Variants in SLC2A9 observed in about 807,000 individuals in gnomAD.
SLC2A9 encodes solute carrier family 2, facilitated glucose transporter member 9.
A neutral mutation model predicts 50.6 loss-of-function variants in SLC2A9; 39 were observed. That is an observed-to-expected ratio of 0.77 (90% confidence interval 0.60 to 1.01). SLC2A9 has a LOEUF of 1.01. Among genes scored for constraint, SLC2A9 ranks in the 50% least tolerant of loss-of-function variants. The pLI is 0.00. For synonymous variants in SLC2A9, 324 were observed against 276.9 expected (o/e 1.17, Z -1.69); for missense variants, 686 against 677.6 (o/e 1.01, Z -0.14).
chr4:10,002,274 T>C (rs559811053), intron 2 of SLC2A9, among the ~76,000 whole-genome samples: 1 of 152,354 alleles, frequency 6.6e-6, no homozygotes, highest in African/African-American at 2.4e-5. Flanking sequence ...TTGGCTTTAG[T>C]TGTTCCTTAC....
chr4:9,867,982 C>T (rs1294480529), intron 10 of SLC2A9, among the ~76,000 whole-genome samples: 3 of 152,170 alleles, frequency 2.0e-5, no homozygotes, highest in Non-Finnish European at 2.9e-5. Flanking sequence ...CCTCTGAGAA[C>T]GTGCCTTGCA....
intron 10 of SLC2A9, among the ~76,000 whole-genome samples, chr4:9,846,506 C>A (rs1729017890): frequency 6.6e-6 from 1 of 152,150 alleles, no homozygotes; most frequent in Non-Finnish European, 1.5e-5. Context: ...AGCCTTGACT[C>A]ACCCTGACTC....
At chr4:9,892,144 C>T (rs1017131089) in intron 8 of SLC2A9, among the ~76,000 whole-genome samples, 1 of 152,194 alleles carries the variant, frequency 6.6e-6, no homozygotes, top group African/African-American at 2.4e-5. Context: ...GGCTGTTGTT[C>T]TGCTGGGCAG....
chr4:9,961,799 T>A (rs1752314921), intron 5 of SLC2A9, among the ~76,000 whole-genome samples: 1 of 152,202 alleles, frequency 6.6e-6, no homozygotes, highest in South Asian at 2.1e-4. Flanking sequence ...AGAAAATTTT[T>A]ACAATCTATC....
At chr4:9,799,638 A>G (rs1473132568) in intron 3 of SLC2A9, among the ~76,000 whole-genome samples, 3 of 149,242 alleles carry the variant, frequency 2.0e-5, no homozygotes, top group African/African-American at 7.5e-5. Context: ...GCACACTCTC[A>G]GTCTTACGTA....
intron 4 of SLC2A9, 34 bp from the exon 5 acceptor site, chr4:9,980,771 G>T (rs1400131943): frequency 2.5e-6 from 4 of 1,614,094 alleles, no homozygotes; most frequent in Non-Finnish European, 3.4e-6. Context: ...AGTTAGAGAG[G>T]TGTCTTCCCG....
intron 2 of SLC2A9, among the ~76,000 whole-genome samples, chr4:10,008,455 T>G (rs1039123423): frequency 7.2e-5 from 11 of 152,138 alleles, no homozygotes; most frequent in African/African-American, 2.7e-4. Flanking sequence ...CAGCAGCATC[T>G]CATATTAGAG....
At chr4:9,938,883 G>A (rs933710764) in intron 6 of SLC2A9, among the ~76,000 whole-genome samples, 7 of 152,152 alleles carry the variant, frequency 4.6e-5, no homozygotes, top group Non-Finnish European at 1.0e-4. Context: ...CCAGGGCCTG[G>A]GACTCATTCC....
At chr4:9,830,132 G>A (rs577531739) in intron 11 of SLC2A9, among the ~76,000 whole-genome samples, 1 of 152,360 alleles carries the variant, frequency 6.6e-6, no homozygotes, top group Admixed American at 6.5e-5. Flanking sequence ...ATCAACGATA[G>A]ACTGGATAAA....
At chr4:9,781,960 T>A in intron 3 of SLC2A9, 2 of 1,310,344 alleles carry the variant, frequency 1.5e-6, no homozygotes, top group South Asian at 1.7e-5. Flanking sequence ...GGGTGCCCGA[T>A]GGGGCTGCCT....
At chr4:9,972,157 T>C (rs4639073) in intron 5 of SLC2A9, among the ~76,000 whole-genome samples, 30,761 of 152,024 alleles carry the variant, frequency 0.2, 3,459 homozygotes, top group Admixed American at 0.33. Context: ...ATTGAAAAAA[T>C]TTGCAACCAT....
intron 8 of SLC2A9, among the ~76,000 whole-genome samples, chr4:9,902,395 A>C (rs1739801417): frequency 6.6e-6 from 1 of 152,220 alleles, no homozygotes; most frequent in African/African-American, 2.4e-5. Context: ...CTCGTCTTCT[A>C]GTCTTTGAGA....
At chr4:9,992,837 T>C (rs114558066) in intron 3 of SLC2A9, among the ~76,000 whole-genome samples, 47 of 152,346 alleles carry the variant, frequency 3.1e-4, no homozygotes, top group African/African-American at 5.8e-4. Context: ...AAAGCCTCCT[T>C]AGTGACATGA....
At chr4:10,002,525 A>G (rs1760024112) in intron 2 of SLC2A9, among the ~76,000 whole-genome samples, 1 of 152,228 alleles carries the variant, frequency 6.6e-6, no homozygotes, top group South Asian at 2.1e-4. Flanking sequence ...GTGAAAGTTA[A>G]GCAGATAAAC....
At chr4:10,021,883 G>A (rs184730016), upstream of SLC2A9, among the ~76,000 whole-genome samples, 979 of 149,866 alleles carry the variant, frequency 6.5e-3, 5 homozygotes, top group Non-Finnish European at 0.011. Flanking sequence ...TCTGTTGCCC[G>A]GGCTGGAGTG....
intron 10 of SLC2A9, among the ~76,000 whole-genome samples, chr4:9,881,417 G>A (rs185463621): frequency 1.3e-4 from 20 of 152,264 alleles, no homozygotes. Context: ...CCTATATTCT[G>A]GCAGTGGCTG....
chr4:9,953,458 T>G (rs1324221229), intron 5 of SLC2A9, among the ~76,000 whole-genome samples: 1 of 152,252 alleles, frequency 6.6e-6, no homozygotes, highest in Admixed American at 6.5e-5. Flanking sequence ...CTGCACTGCC[T>G]GCTCCCTTGG....
rs1722584150 is a variant in SLC2A9 at position 9,809,549 on chromosome 4, A to C, written n.421-10308T>G. Among the ~76,000 whole-genome samples, 11 of 152,340 alleles carry C rather than the reference A, an allele frequency of 7.2e-5. No individual in the cohort carries two copies. The South Asian group carries it at 2.3e-3, about 32-fold the overall frequency. On this transcript the variant is annotated intron_variant and non_coding_transcript_variant, in intron 3 of 3. Coordinates refer to the SLC2A9 transcript ENST00000503280. ...AATCGTGGAAAGGCTGGAGAGAAGAAGCAAACAACTGAGCACATTCCAGAC... is the reference window on the plus strand; with the variant it reads ...AATCGTGGAAAGGCTGGAGAGAAGACGCAAACAACTGAGCACATTCCAGAC...
rs748049205 is a variant in SLC2A9, at chr4:9,920,412, G to A, written c.975C>T (p.Ala325=). The change falls in exon 7 of 12, where the codon GCC becomes GCT. Residue 325 remains alanine, a synonymous_variant. Transcript: ENST00000264784. The stretch of plus-strand genomic sequence containing the variant: ...CATTGAGGCCACAGAGCTGGTAGCA[G>A]GCCATGGTGACAATCACGGTGACCA... ...WQVVTVIVTM[A]CYQLCGLNAI... is the part of the protein sequence containing the mutation. 2 of 1,614,180 alleles carry A rather than the reference G, an allele frequency of 1.2e-6. No individual in the cohort carries two copies. The highest frequency in any genetic ancestry group is 3.3e-5 in the Admixed American group (2 of 60,022).
Sources: gnomAD v4.1 joint callset for allele counts (sites outside exome capture counted in the v4.1 genomes callset) on GRCh38, gnomAD v4.1.1 for gene constraint, MANE v1.5 for transcripts, NCBI Gene and HGNC (gene_info 2026-07-23, HGNC 2026-07-21) for gene names.